The following IGF2BP3 variants were observed in gnomAD, a reference collection of about 807,000 sequenced individuals.
IGF2BP3 encodes insulin like growth factor 2 mRNA binding protein 3, also known as insulin-like growth factor 2 mRNA-binding protein 3.
Under a neutral mutation model 73.8 loss-of-function variants are expected in IGF2BP3, and 9 were observed. The observed-to-expected ratio is 0.12, with a 90% CI of 0.07 to 0.21. The LOEUF (loss-of-function observed/expected upper bound fraction) is 0.21. IGF2BP3 is among the 10% of genes least tolerant of loss of function. The pLI, the probability that IGF2BP3 is intolerant of heterozygous loss-of-function variation, is 1.00. For missense variants in IGF2BP3, 542 were observed against 714.0 expected, an observed-to-expected ratio of 0.76 and a Z score of 2.75; for synonymous variants, 258 against 256.7, an observed-to-expected ratio of 1.01 and a Z score of -0.05.
chr7:23,443,791 C>G (rs1012290319), intron 2 of IGF2BP3, among the ~76,000 whole-genome samples: 2 of 151,938 alleles, frequency 1.3e-5, no homozygotes, highest in East Asian at 3.9e-4. Context: ...GGGTGGATCA[C>G]GAGGTCAGGA....
chr7:23,334,243 G>A (rs1375177325), intron 10 of IGF2BP3, among the ~76,000 whole-genome samples: 5 of 152,100 alleles, frequency 3.3e-5, no homozygotes, highest in Non-Finnish European at 7.4e-5. Flanking sequence ...CAGGAGAATC[G>A]CTCGAATCTG....
In IGF2BP3 at chr7:23,400,417, A is replaced by G. The variant is rs1786622261; in HGVS notation, c.285+18359T>C. Among the ~76,000 whole-genome samples the G allele has an allele frequency of 2.0e-5, 3 of 152,128 alleles. No individual in the cohort carries two copies. The South Asian group carries it at 6.2e-4, about 32-fold the overall frequency. On this transcript the variant is annotated intron_variant, in intron 3 of 14. Coordinates refer to ENST00000258729, the MANE Select transcript of IGF2BP3 (RefSeq NM_006547.3). ...CCTTGTCCTGCTCCTCCAGGGTAAC[A>G]TTTTGAGGACAATGCTATCAGAGGT... is the stretch of plus-strand genomic sequence containing the variant.
chr7:23,470,205 TC>T lies in IGF2BP3; in HGVS notation c.-96del, dbSNP rs1788684312. Reference sequence around the variant, plus strand: ...ATGGATCCAGCTGGTTTTGTTCCCCTCGTCTTCTCGCCTTTAAAATACACAA... The same window carrying T: ...ATGGATCCAGCTGGTTTTGTTCCCCTGTCTTCTCGCCTTTAAAATACACAA... On this transcript the variant is annotated 5_prime_UTR_variant, in exon 1 of 15. Transcript: ENST00000258729. 15 of 963,928 alleles carry T rather than the reference TC, an allele frequency of 1.6e-5. No homozygotes were observed. Among genetic ancestry groups the T allele is most frequent in the Middle Eastern group, 3.4e-4 (1 of 2,928 alleles). The allele number at this position is 963,928 out of a possible 1,614,324, so 59.7% of individuals were successfully genotyped here.
intron 2 of IGF2BP3, among the ~76,000 whole-genome samples, chr7:23,431,829 CCA>C (rs60993484): frequency 1.3e-5 from 2 of 151,864 alleles, no homozygotes; most frequent in African/African-American, 2.4e-5. Flanking sequence ...CCCCGCCAAC[CCA>C]CACACACACA....
At chr7:23,416,981 G>GGGAGGC (rs1787207815) in intron 3 of IGF2BP3, among the ~76,000 whole-genome samples, 1 of 152,096 alleles carries the variant, frequency 6.6e-6, no homozygotes, top group Admixed American at 6.6e-5. Context: ...ATTTGAACCT[G>GGGAGGC]GGAGGCGGAG....
intron 10 of IGF2BP3, among the ~76,000 whole-genome samples, chr7:23,327,741 A>C (rs1375013884): frequency 6.6e-6 from 1 of 152,176 alleles, no homozygotes; most frequent in Non-Finnish European, 1.5e-5. Flanking sequence ...TGTAGAAACC[A>C]ATTTGTGCCA....
intron 2 of IGF2BP3, among the ~76,000 whole-genome samples, chr7:23,463,126 G>A (rs1457432622): frequency 1.3e-5 from 2 of 152,114 alleles, no homozygotes; most frequent in East Asian, 1.9e-4. Context: ...TCGTCTTTCC[G>A]CCTCTCCTTC....
intron 2 of IGF2BP3, among the ~76,000 whole-genome samples, chr7:23,465,406 A>G (rs555374285): frequency 6.6e-6 from 1 of 152,162 alleles, no homozygotes; most frequent in Non-Finnish European, 1.5e-5. Context: ...ATCTTCCCCA[A>G]CTGAGGGGTA....
chr7:23,340,855 T>A (rs556517781), intron 10 of IGF2BP3, among the ~76,000 whole-genome samples: 38 of 145,992 alleles, frequency 2.6e-4, no homozygotes, highest in Admixed American at 6.0e-4. Context: ...TTTTCTTTTT[T>A]TTTTTTTTTT....
At chr7:23,374,010 T>C (rs1202688950) in intron 3 of IGF2BP3, among the ~76,000 whole-genome samples, 1 of 152,234 alleles carries the variant, frequency 6.6e-6, no homozygotes, top group African/African-American at 2.4e-5. Flanking sequence ...GAGCAGATGC[T>C]GGAGCCATGC....
At chr7:23,423,663 G>C (rs996005998) in intron 2 of IGF2BP3, among the ~76,000 whole-genome samples, 1 of 151,898 alleles carries the variant, frequency 6.6e-6, no homozygotes, top group African/African-American at 2.4e-5. Flanking sequence ...ATATGGTGGA[G>C]GGGGGGAAAG....
intron 3 of IGF2BP3, chr7:23,362,441 G>T (rs1010430176): frequency 6.6e-6 from 1 of 152,096 alleles, no homozygotes; most frequent in South Asian, 2.1e-4. Context: ...TAAATACATA[G>T]ACAGCAAAAG....
intron 2 of IGF2BP3, among the ~76,000 whole-genome samples, chr7:23,423,747 C>A (rs1787417438): frequency 6.6e-6 from 1 of 151,790 alleles, no homozygotes. Context: ...CCGAGAAAAA[C>A]AACTGCCACA....
intron 2 of IGF2BP3, among the ~76,000 whole-genome samples, chr7:23,457,039 ACT>A (rs902074491): frequency 4.0e-5 from 6 of 150,578 alleles, no homozygotes; most frequent in African/African-American, 1.5e-4. Flanking sequence ...ACAGAGCAAG[ACT>A]CTGTCTCAAA....
At chr7:23,333,801 G>C (rs1562679413) in intron 10 of IGF2BP3, among the ~76,000 whole-genome samples, 1 of 152,220 alleles carries the variant, frequency 6.6e-6, no homozygotes, top group Non-Finnish European at 1.5e-5. Context: ...TGTGCTGTTG[G>C]CAATCATGTC....
chr7:23,352,086 C>T (rs1373533584), intron 5 of IGF2BP3, among the ~76,000 whole-genome samples: 2 of 152,090 alleles, frequency 1.3e-5, no homozygotes, highest in African/African-American at 4.8e-5. Flanking sequence ...GGACAAATAT[C>T]TCTAAACCAT....
At chr7:23,416,597 G>A (rs1394873366) in intron 3 of IGF2BP3, among the ~76,000 whole-genome samples, 3 of 152,208 alleles carry the variant, frequency 2.0e-5, no homozygotes, top group Non-Finnish European at 4.4e-5. Flanking sequence ...CATTAAAGTA[G>A]AAGGTACATA....
chr7:23,431,625 G>C (rs1045758293), intron 2 of IGF2BP3, among the ~76,000 whole-genome samples: 2 of 151,046 alleles, frequency 1.3e-5, no homozygotes, highest in Non-Finnish European at 1.5e-5. Flanking sequence ...AACTGAACAG[G>C]AGGAAGGAAG....
chr7:23,400,724 C>A, intron 3 of IGF2BP3, among the ~76,000 whole-genome samples: 1 of 152,232 alleles, frequency 6.6e-6, no homozygotes. Context: ...CACACCAAAG[C>A]CAACCATATG....
Sources: gnomAD v4.1 joint callset for allele counts (sites outside exome capture counted in the v4.1 genomes callset) on GRCh38, gnomAD v4.1.1 for gene constraint, MANE v1.5 for transcripts, NCBI Gene and HGNC (gene_info 2026-07-23, HGNC 2026-07-21) for gene names.